The following TYW5 variants were observed in gnomAD, a reference collection of about 807,000 sequenced individuals.
TYW5 encodes the protein tRNA wybutosine-synthesizing protein 5.
Under a neutral mutation model 44.4 loss-of-function variants are expected in TYW5, and 36 were observed. The observed-to-expected ratio is 0.81, with a 90% CI of 0.62 to 1.07. The LOEUF is 1.07. Ranked by LOEUF, TYW5 falls within the 50% of genes least tolerant of loss-of-function variation. TYW5 has a pLI of 0.00. For synonymous variants in TYW5, 121 were observed against 128.1 expected, an observed-to-expected ratio of 0.94 and a Z score of 0.37; for missense variants, 354 against 365.7, an observed-to-expected ratio of 0.97 and a Z score of 0.26.
rs757739191 is a variant in TYW5 at position 199,933,338 on chromosome 2, A to C, written c.692-15T>G. 31 of 1,574,976 alleles carry C rather than the reference A, an allele frequency of 2.0e-5. No homozygotes were observed. The highest frequency in any genetic ancestry group is 2.6e-5 in the Non-Finnish European group (30 of 1,165,342). The stretch of plus-strand genomic sequence containing the variant: ...GAACCATAAAGCTGGAGAAAGTTTA[A>C]AAAACAAGTTAAAAATAAAACCTAC... On this transcript the variant is annotated splice_polypyrimidine_tract_variant and intron_variant, in intron 7 of 7. Transcript: ENST00000354611.
In TYW5 at chr2:199,940,536, G is replaced by T. The variant is rs568354978; in HGVS notation, c.304-403C>A. On this transcript the variant is annotated intron_variant, in intron 3 of 7. Coordinates refer to ENST00000354611, the MANE Select transcript of TYW5 (RefSeq NM_001039693.3). ...TACGTGCCTGTAGTCCCAGCTACTT[G>T]GGAGGCTGAGGCTGCAGTGAGCTAT... 1.7e-3 allele frequency among the ~76,000 whole-genome samples: 258 copies of T among 151,958 alleles called. 1 individual carries two copies. The highest frequency in any genetic ancestry group is 5.7e-3 in the African/African-American group (235 of 41,430).
At position 199,929,346 on chromosome 2, in the gene TYW5, A is replaced by AAAT. The variant is rs1491553895; in HGVS notation, c.*3718_*3720dup. On this transcript the variant is annotated 3_prime_UTR_variant, in exon 8 of 8. Transcript: ENST00000354611. ...GAACTTAAAAGTATAATAAAAAAAT[A>AAAT]AATAGAGACTACAACTTAGGTATAT... 2.1e-5 allele frequency among the ~76,000 whole-genome samples: 3 copies of AAAT among 145,378 alleles called. No individual in the cohort carries two copies. Among genetic ancestry groups the AAAT allele is most frequent in the Admixed American group, 6.8e-5 (1 of 14,744 alleles).
intron 5 of TYW5, among the ~76,000 whole-genome samples, chr2:199,937,328 T>C (rs1417709147): frequency 2.6e-5 from 4 of 152,026 alleles, no homozygotes; most frequent in Non-Finnish European, 5.9e-5. Context: ...TTACATTCTA[T>C]TATAATTCAA....
intron 3 of TYW5, 135 bp downstream of exon 3, chr2:199,943,630 G>A: frequency 1.5e-6 from 1 of 677,330 alleles, no homozygotes; most frequent in South Asian, 2.0e-5. Flanking sequence ...TACAGTCTGT[G>A]GTGCATCCAA....
intron 2 of TYW5, chr2:199,945,498 G>A (rs2077497240): frequency 6.6e-6 from 1 of 152,222 alleles, no homozygotes; most frequent in Non-Finnish European, 1.5e-5. Context: ...ACTATAGATA[G>A]TGTCTGACTA....
At chr2:199,935,632 T>G (rs2077412249) in intron 7 of TYW5, among the ~76,000 whole-genome samples, 1 of 145,834 alleles carries the variant, frequency 6.9e-6, no homozygotes, top group Admixed American at 6.8e-5. Flanking sequence ...GAGGATTGCT[T>G]GAGGCCAAAA....
chr2:199,952,016 C>CAA (rs557573511), intron 1 of TYW5, among the ~76,000 whole-genome samples: 4 of 108,694 alleles, frequency 3.7e-5, no homozygotes, highest in Admixed American at 9.8e-5. Context: ...GACTCCGTCT[C>CAA]AAAAAAAAAA....
At chr2:199,941,122 C>T (rs377434273) in intron 3 of TYW5, among the ~76,000 whole-genome samples, 5 of 152,180 alleles carry the variant, frequency 3.3e-5, no homozygotes, top group South Asian at 2.1e-4. Flanking sequence ...TGCAGTGATG[C>T]GATCACGCCC....
chr2:199,937,087 T>C (rs1330283001), intron 5 of TYW5, among the ~76,000 whole-genome samples: 3 of 152,158 alleles, frequency 2.0e-5, no homozygotes, highest in Non-Finnish European at 4.4e-5. Context: ...TCGTTTCCCA[T>C]GAATGTAATG....
intron 3 of TYW5, 79 bp downstream of exon 3, chr2:199,943,686 A>G (rs749384306): frequency 7.8e-5 from 88 of 1,133,780 alleles, no homozygotes; most frequent in Non-Finnish European, 1.1e-4. Flanking sequence ...GCTCTTGTGT[A>G]TCTACTATTC....
At chr2:199,936,846 A>G (rs1379621836) in intron 5 of TYW5, among the ~76,000 whole-genome samples, 1 of 152,190 alleles carries the variant, frequency 6.6e-6, no homozygotes, top group East Asian at 1.9e-4. Context: ...AAAATTAGAC[A>G]ACAGAGTAAA....
intron 3 of TYW5, chr2:199,942,336 G>A (rs1336820241): frequency 6.6e-6 from 1 of 152,294 alleles, no homozygotes; most frequent in South Asian, 2.1e-4. Context: ...CAATGTGCTG[G>A]GATTACAGGC....
chr2:199,932,425 A>T lies in TYW5; in HGVS notation c.*642T>A, dbSNP rs1391017938. On this transcript the variant is annotated 3_prime_UTR_variant, in exon 8 of 8. Coordinates refer to ENST00000354611, the MANE Select transcript of TYW5 (RefSeq NM_001039693.3). ...TCATGTGGCCTCCACTTCTACTCTC[A>T]GCTCCAGTGGACCTGACTGCCCTAA... is the stretch of plus-strand genomic sequence containing the variant. 6.6e-6 allele frequency: 1 copy of T among 152,238 alleles called. No individual in the cohort carries two copies. Among genetic ancestry groups the T allele is most frequent in the Non-Finnish European group, 1.5e-5 (1 of 68,086 alleles). 9.4% of individuals were successfully genotyped at this position (152,238 alleles called of 1,614,324 possible).
intron 1 of TYW5, among the ~76,000 whole-genome samples, chr2:199,953,231 G>A (rs1172574703): frequency 2.0e-5 from 3 of 152,134 alleles, no homozygotes; most frequent in Admixed American, 6.5e-5. Context: ...GCTGAGGCAG[G>A]AGAATCGCTT....
chr2:199,934,529 A>T (rs1315781131), intron 7 of TYW5, among the ~76,000 whole-genome samples: 3 of 152,084 alleles, frequency 2.0e-5, no homozygotes. Context: ...ATAAATTATC[A>T]ATTATATGAA....
Position 199,935,971 on chromosome 2 carries a change from A to T in TYW5, c.651T>A (p.Tyr217Ter). Residue 217 changes from tyrosine to a stop codon, truncating the protein, a stop_gained, in exon 7 of 8, where the codon TAT (tyrosine) becomes TAA (stop). Transcript: ENST00000354611. LOFTEE classifies it high-confidence loss of function. Reference protein sequence around the residue: ...KYPLFSKARRYECSLEAGDVL... With the variant: ...KYPLFSKARR ...CATCACCAGCTTCAAGGGAACATTC[A>T]TATCTTCTAGCCTTGGAAAAAAGTG... The T allele has an allele frequency of 6.2e-7, 1 of 1,613,106 alleles. No homozygotes were observed. The highest frequency in any genetic ancestry group is 8.5e-7 in the Non-Finnish European group (1 of 1,179,380).
At chr2:199,954,890 A>T (rs187834319) in intron 1 of TYW5, among the ~76,000 whole-genome samples, 1 of 152,300 alleles carries the variant, frequency 6.6e-6, no homozygotes, top group East Asian at 1.9e-4. Flanking sequence ...CTGCAAGTAA[A>T]AGCACTTTTT....
In TYW5 at chr2:199,931,187, T is replaced by A; in HGVS notation, c.*1880A>T. Reference sequence around the variant, plus strand: ...ATTAAATAGAAGAACTAGCACCAGTTATCAACTATGTGCCTGCCCTTGAAC... The same window carrying A: ...ATTAAATAGAAGAACTAGCACCAGTAATCAACTATGTGCCTGCCCTTGAAC... On this transcript the variant is annotated 3_prime_UTR_variant, in exon 8 of 8. Transcript: ENST00000354611. 1 of 152,166 alleles carries A rather than the reference T, an allele frequency of 6.6e-6. No individual in the cohort carries two copies. The highest frequency in any genetic ancestry group is 1.5e-5 in the Non-Finnish European group (1 of 68,028). The allele number at this position is 152,166 out of a possible 1,614,324, so 9.4% of individuals were successfully genotyped here.
In TYW5 at chr2:199,930,206, A is replaced by C. The variant is rs1461083291; in HGVS notation, c.*2861T>G. 1 of 152,094 alleles carries C rather than the reference A, an allele frequency of 6.6e-6. No individual in the cohort carries two copies. Among genetic ancestry groups the C allele is most frequent in the South Asian group, 2.1e-4 (1 of 4,820 alleles). 9.4% of individuals were successfully genotyped at this position (152,094 alleles called of 1,614,324 possible). A position where few individuals can be genotyped will look rare whatever the true frequency, so the allele number is the denominator to read the frequency against. ...TGCCCAGGCTGGTCTCGAACTCCTG[A>C]GTTCAGATGATCCACCCACCTCGGT... On this transcript the variant is annotated 3_prime_UTR_variant, in exon 8 of 8. Transcript: ENST00000354611.
Sources: gnomAD v4.1 joint callset for allele counts (sites outside exome capture counted in the v4.1 genomes callset) on GRCh38, gnomAD v4.1.1 for gene constraint, MANE v1.5 for transcripts, NCBI Gene and HGNC (gene_info 2026-07-23, HGNC 2026-07-21) for gene names.